CNTNAP2: variants seen among roughly 807,000 people sequenced by gnomAD.
The protein encoded by CNTNAP2 is contactin-associated protein-like 2.
A neutral mutation model predicts 155.2 loss-of-function variants in CNTNAP2; 98 were observed. That is an observed-to-expected ratio of 0.63 (90% confidence interval 0.54 to 0.75). The LOEUF (loss-of-function observed/expected upper bound fraction) is 0.75, where lower values mean the gene tolerates loss of function less well. Among genes scored for constraint, CNTNAP2 ranks in the 30% least tolerant of loss-of-function variants. The pLI is 0.00. For missense variants in CNTNAP2, 1,727 were observed against 1,688.1 expected (o/e 1.02, Z -0.40); for synonymous variants, 651 against 631.2 (o/e 1.03, Z -0.47).
At chr7:146,211,838 G>T (rs1244472996) in intron 1 of CNTNAP2, among the ~76,000 whole-genome samples, 12 of 152,118 alleles carry the variant, frequency 7.9e-5, no homozygotes, top group South Asian at 2.1e-4. Context: ...ATTAAGGAAA[G>T]AATTTTCTGT....
chr7:147,699,244 A>C (rs1796202809), intron 13 of CNTNAP2, among the ~76,000 whole-genome samples: 1 of 152,024 alleles, frequency 6.6e-6, no homozygotes, highest in Admixed American at 6.6e-5. Flanking sequence ...AAAAAAAAAA[A>C]AAACGCTTTT....
In CNTNAP2 at chr7:148,164,501, G is replaced by A. The variant is rs558239974; in HGVS notation, c.2774-7741G>A. ...CAGTCACTCACACCATTCCAGTGGC[G>A]GGCTCAAGACCTCTATGCTAATTCA... On this transcript the variant is annotated intron_variant, in intron 17 of 23. Coordinates refer to ENST00000361727, the MANE Select transcript of CNTNAP2 (RefSeq NM_014141.6). Among the ~76,000 whole-genome samples the A allele has an allele frequency of 6.6e-5, 10 of 152,038 alleles. No individual in the cohort carries two copies. The East Asian group carries it at 7.7e-4, about 12-fold the overall frequency.
intron 21 of CNTNAP2, among the ~76,000 whole-genome samples, chr7:148,302,028 G>A (rs2116501108): frequency 6.6e-6 from 1 of 152,310 alleles, no homozygotes; most frequent in Non-Finnish European, 1.5e-5. Context: ...TCTTCCTGCT[G>A]GAAAACTCCA....
rs139615714 is a variant in CNTNAP2 at position 146,332,567 on chromosome 7, A to G, written c.97+215594A>G. Among the ~76,000 whole-genome samples, 180 of 152,274 alleles carry G rather than the reference A, an allele frequency of 1.2e-3. 4 individuals are homozygous for G. In the East Asian group the frequency reaches 0.032, roughly 27 times the overall value. On this transcript the variant is annotated intron_variant, in intron 1 of 23. Transcript: ENST00000361727. Reference sequence around the variant, plus strand: ...AGTTATCCTTAGAAATATGTCACATATTCTATTATCTCCAAGCATGAATTA... The same window carrying G: ...AGTTATCCTTAGAAATATGTCACATGTTCTATTATCTCCAAGCATGAATTA...
intron 9 of CNTNAP2, chr7:147,378,124 T>C (rs562654978): frequency 3.0e-5 from 13 of 430,934 alleles, no homozygotes; most frequent in South Asian, 1.7e-4. Context: ...TAGAACTCAT[T>C]TTTATACTGT....
intron 9 of CNTNAP2, among the ~76,000 whole-genome samples, chr7:147,391,939 G>A (rs1796725653): frequency 6.6e-6 from 1 of 152,008 alleles, no homozygotes; most frequent in Non-Finnish European, 1.5e-5. Context: ...TTCTTCATTT[G>A]TAATAGTTCT....
intron 1 of CNTNAP2, among the ~76,000 whole-genome samples, chr7:146,278,754 C>A (rs1039316749): frequency 6.6e-6 from 1 of 151,842 alleles, no homozygotes; most frequent in African/African-American, 2.4e-5. Context: ...TCTAATAAAC[C>A]CAAATTAAGG....
At chr7:146,249,307 A>G (rs1799719964) in intron 1 of CNTNAP2, among the ~76,000 whole-genome samples, 1 of 152,194 alleles carries the variant, frequency 6.6e-6, no homozygotes, top group Non-Finnish European at 1.5e-5. Context: ...AGAAATCTTC[A>G]TGTTATCTAA....
At chr7:147,693,618 T>A (rs1428856120) in intron 13 of CNTNAP2, among the ~76,000 whole-genome samples, 1 of 152,056 alleles carries the variant, frequency 6.6e-6, no homozygotes, top group Non-Finnish European at 1.5e-5. Context: ...GTGCTTTGAA[T>A]TTCAAATCTT....
chr7:147,616,885 A>G (rs1251827893), intron 12 of CNTNAP2, among the ~76,000 whole-genome samples: 1 of 152,158 alleles, frequency 6.6e-6, no homozygotes, highest in African/African-American at 2.4e-5. Context: ...CAATAAATGC[A>G]TATTGAAGAT....
At chr7:147,259,379 T>C (rs1804405324) in intron 8 of CNTNAP2, among the ~76,000 whole-genome samples, 1 of 152,214 alleles carries the variant, frequency 6.6e-6, no homozygotes, top group Non-Finnish European at 1.5e-5. Context: ...TTAATATTAA[T>C]GGGTCTTCTG....
intron 20 of CNTNAP2, among the ~76,000 whole-genome samples, chr7:148,243,868 T>C (rs566289364): frequency 1.2e-4 from 18 of 152,210 alleles, no homozygotes; most frequent in Non-Finnish European, 2.5e-4. Flanking sequence ...TTGGGGACTG[T>C]AGACTGAGGC....
At chr7:146,384,182 G>T (rs1463829954) in intron 1 of CNTNAP2, among the ~76,000 whole-genome samples, 2 of 152,140 alleles carry the variant, frequency 1.3e-5, no homozygotes, top group Non-Finnish European at 2.9e-5. Flanking sequence ...GTAAAATAAT[G>T]CAAAATGTGG....
At chr7:146,895,339 TTCTC>T (rs1322077228) in intron 3 of CNTNAP2, among the ~76,000 whole-genome samples, 1 of 148,268 alleles carries the variant, frequency 6.7e-6, no homozygotes, top group Non-Finnish European at 1.5e-5. Context: ...CTCCCTTCCT[TTCTC>T]TCTCTTTCTC....
At chr7:146,439,347 C>CAAT (rs58497683) in intron 1 of CNTNAP2, among the ~76,000 whole-genome samples, 150,643 of 151,590 alleles carry the variant, frequency 0.99, 74,857 homozygotes, top group Middle Eastern at 1. Context: ...GACATGAAAA[C>CAAT]ATTTCTTATT....
chr7:146,371,493 C>T (rs200423660), intron 1 of CNTNAP2, among the ~76,000 whole-genome samples: 2 of 151,046 alleles, frequency 1.3e-5, no homozygotes, highest in Non-Finnish European at 3.0e-5. Context: ...CTCAGCCTCC[C>T]GAGTAGCTGG....
chr7:147,740,488 A>T (rs1029929710), intron 13 of CNTNAP2, among the ~76,000 whole-genome samples: 2 of 152,114 alleles, frequency 1.3e-5, no homozygotes, highest in African/African-American at 2.4e-5. Flanking sequence ...ATAATCTTAT[A>T]AAAAAATTGT....
chr7:146,719,846 C>T (rs188953172), intron 1 of CNTNAP2, among the ~76,000 whole-genome samples: 30 of 151,860 alleles, frequency 2.0e-4, no homozygotes, highest in African/African-American at 5.3e-4. Flanking sequence ...AATAATAATC[C>T]GATAAATGTC....
chr7:147,172,787 T>C (rs1441137044), intron 8 of CNTNAP2, among the ~76,000 whole-genome samples: 4 of 152,162 alleles, frequency 2.6e-5, no homozygotes, highest in African/African-American at 9.7e-5. Context: ...TGTAATTTAA[T>C]ATTGGACTCA....
Sources: gnomAD v4.1 joint callset for allele counts (sites outside exome capture counted in the v4.1 genomes callset) on GRCh38, gnomAD v4.1.1 for gene constraint, MANE v1.5 for transcripts, NCBI Gene and HGNC (gene_info 2026-07-23, HGNC 2026-07-21) for gene names.